The following OOEP variants were observed in gnomAD, a reference collection of about 807,000 sequenced individuals.
OOEP encodes oocyte-expressed protein homolog.
In OOEP, 16 loss-of-function variants were observed where a neutral mutation model predicts 13.7. The ratio of observed to expected loss-of-function variants is 1.16; its 90% CI spans 0.79 to 1.77. OOEP has a LOEUF of 1.77. Among genes scored for constraint, OOEP ranks in the 40% most tolerant of loss-of-function variants. The pLI is 0.00. For synonymous variants in OOEP, 89 were observed against 77.1 expected (o/e 1.15, Z -0.81); for missense variants, 195 against 193.1 (o/e 1.01, Z -0.06).
chr6:73,380,419 A>G (rs1249823559), intron 2 of OOEP, among the ~76,000 whole-genome samples: 1 of 152,076 alleles, frequency 6.6e-6, no homozygotes, highest in African/African-American at 2.4e-5. Flanking sequence ...GAGTGTTCAT[A>G]GTAGTGTTTT....
At chr6:73,383,614 A>G (rs1044662190) in intron 2 of OOEP, among the ~76,000 whole-genome samples, 3 of 152,118 alleles carry the variant, frequency 2.0e-5, no homozygotes, top group Admixed American at 6.6e-5. Context: ...CAGCCTGGGT[A>G]ACAGAGCAAG....
intron 2 of OOEP, among the ~76,000 whole-genome samples, chr6:73,390,733 T>G (rs1311007657): frequency 6.6e-6 from 1 of 151,342 alleles, no homozygotes; most frequent in Non-Finnish European, 1.5e-5. Flanking sequence ...TGCACCACCA[T>G]GCCCAGCTAA....
At chr6:73,384,684 G>C (rs1356294267) in intron 2 of OOEP, among the ~76,000 whole-genome samples, 4 of 151,816 alleles carry the variant, frequency 2.6e-5, no homozygotes, top group African/African-American at 7.3e-5. Flanking sequence ...GAAGTCCTGG[G>C]CTCAAGTGAT....
intron 2 of OOEP, chr6:73,391,688 A>C (rs1334935056): frequency 1.3e-5 from 2 of 153,852 alleles, no homozygotes; most frequent in Non-Finnish European, 2.9e-5. Context: ...CTTCTCAGAA[A>C]AAGTATGACA....
At chr6:73,374,843 G>A (rs1231057696), upstream of OOEP, among the ~76,000 whole-genome samples, 2 of 152,060 alleles carry the variant, frequency 1.3e-5, no homozygotes. Context: ...ATTTATTTTT[G>A]AGACAGAGTC....
At chr6:73,388,623 G>A (rs1213514146) in intron 2 of OOEP, among the ~76,000 whole-genome samples, 3 of 152,206 alleles carry the variant, frequency 2.0e-5, no homozygotes, top group Non-Finnish European at 4.4e-5. Context: ...AACAGAAAAT[G>A]CTCAGCTTTG....
At chr6:73,385,865 C>G (rs769559199) in intron 2 of OOEP, among the ~76,000 whole-genome samples, 1 of 152,014 alleles carries the variant, frequency 6.6e-6, no homozygotes, top group Non-Finnish European at 1.5e-5. Context: ...GGATTATGGG[C>G]GTGAGCCACT....
chr6:73,394,655 C>A (rs935107698), intron 1 of OOEP: 4 of 579,666 alleles, frequency 6.9e-6, no homozygotes, highest in Non-Finnish European at 1.2e-5. Flanking sequence ...TACTTCAAGG[C>A]ACACTCCCAC....
At chr6:73,394,792 G>A (rs968083552) in exon 1 of OOEP, 32 of 1,471,640 alleles carry the variant, frequency 2.2e-5, no homozygotes, top group Non-Finnish European at 2.5e-5. Context: ...AGCCTCGTGC[G>A]GGCTCCTTAA....
At chr6:73,380,928 C>T (rs987495971) in intron 2 of OOEP, among the ~76,000 whole-genome samples, 2 of 152,034 alleles carry the variant, frequency 1.3e-5, no homozygotes, top group African/African-American at 4.8e-5. Context: ...GCGGGTGAAT[C>T]ACTTGGGGTT....
At chr6:73,379,397 C>A (rs7768587) in intron 2 of OOEP, among the ~76,000 whole-genome samples, 5,796 of 151,050 alleles carry the variant, frequency 0.038, 343 homozygotes, top group African/African-American at 0.12. Context: ...GTAATCCCAG[C>A]ACTTTGGAGG....
chr6:73,369,387 T>C lies in OOEP; in HGVS notation c.191-2A>G. 6.2e-7 allele frequency: 1 copy of C among 1,608,310 alleles called. No individual in the cohort carries two copies. Among genetic ancestry groups the C allele is most frequent in the Non-Finnish European group, 8.5e-7 (1 of 1,177,548 alleles). On this transcript the variant is annotated splice_acceptor_variant, in intron 1 of 2. Coordinates refer to ENST00000370359, the MANE Select transcript of OOEP (RefSeq NM_001080507.3). LOFTEE classifies it high-confidence loss of function. ...CTGGAATTATGGCTCGGTCTGGGCC[T>C]AAACAAGTAAGGAAAAACTCTGAGG... is the stretch of plus-strand genomic sequence containing the variant.
intron 2 of OOEP, among the ~76,000 whole-genome samples, chr6:73,393,998 T>C (rs144483078): frequency 8.3e-4 from 127 of 152,296 alleles, no homozygotes; most frequent in Non-Finnish European, 1.6e-3. Flanking sequence ...ATCACACTTA[T>C]GACTTACAAA....
chr6:73,394,911 C>A (rs1342153234), exon 1 of OOEP: 1 of 1,613,990 alleles, frequency 6.2e-7, no homozygotes, highest in Admixed American at 1.7e-5. Flanking sequence ...GAACAATGTC[C>A]CACCACGGAG....
At chr6:73,376,624 C>T (rs1582626057) in intron 2 of OOEP, among the ~76,000 whole-genome samples, 1 of 152,048 alleles carries the variant, frequency 6.6e-6, no homozygotes, top group East Asian at 1.9e-4. Context: ...AGGCGCCCAC[C>T]ACCAAGCCTG....
intron 2 of OOEP, among the ~76,000 whole-genome samples, chr6:73,380,046 C>T (rs1015486087): frequency 1.3e-5 from 2 of 152,056 alleles, no homozygotes; most frequent in African/African-American, 4.8e-5. Flanking sequence ...CTTTTTTATT[C>T]GTGCATGATT....
upstream of OOEP, chr6:73,395,114 T>C (rs776739328): frequency 1.2e-6 from 2 of 1,614,036 alleles, no homozygotes; most frequent in Admixed American, 1.7e-5. Flanking sequence ...GAACTGCCGC[T>C]GTGTTTTGCT....
chr6:73,385,387 TA>T (rs143390853), intron 2 of OOEP, among the ~76,000 whole-genome samples: 19 of 149,558 alleles, frequency 1.3e-4, no homozygotes, highest in South Asian at 8.5e-4. Flanking sequence ...TCAGCATTAT[TA>T]AAAAAAAAAT....
chr6:73,374,178 C>T (rs1769102699), upstream of OOEP, among the ~76,000 whole-genome samples: 1 of 151,910 alleles, frequency 6.6e-6, no homozygotes, highest in South Asian at 2.1e-4. Flanking sequence ...ACAGAGACCC[C>T]ATCTCTAAAA....
Sources: gnomAD v4.1 joint callset for allele counts (sites outside exome capture counted in the v4.1 genomes callset) on GRCh38, gnomAD v4.1.1 for gene constraint, MANE v1.5 for transcripts, NCBI Gene and HGNC (gene_info 2026-07-23, HGNC 2026-07-21) for gene names.